The following TRIM66 variants were observed in gnomAD, a reference collection of about 807,000 sequenced individuals.
TRIM66 encodes the protein tripartite motif-containing protein 66.
TRIM66 carries 99 observed loss-of-function variants against 148.2 expected under a neutral mutation model. The observed-to-expected ratio is 0.67, with a 90% confidence interval of 0.57 to 0.79. TRIM66 has a LOEUF of 0.79. Ranked by LOEUF, TRIM66 falls within the 30% of genes least tolerant of loss-of-function variation. The pLI is 0.00. For missense variants in TRIM66, 1,666 were observed against 1,697.9 expected (o/e 0.98, Z 0.33); for synonymous variants, 616 against 635.9 (o/e 0.97, Z 0.47).
chr11:8,672,832 T>C (rs752461142), intron 4 of TRIM66, among the ~76,000 whole-genome samples: 6 of 152,020 alleles, frequency 3.9e-5, no homozygotes, highest in Non-Finnish European at 5.9e-5. Context: ...AGTTTCACCA[T>C]GTTGCCCAGG....
At chr11:8,629,466 C>T (rs561047710) in intron 15 of TRIM66, among the ~76,000 whole-genome samples, 17 of 152,120 alleles carry the variant, frequency 1.1e-4, no homozygotes, top group Non-Finnish European at 2.4e-4. Context: ...TGAGACCACC[C>T]AAATAATAAT....
chr11:8,640,571 G>C lies in TRIM66; in HGVS notation c.1804C>G (p.Leu602Val), dbSNP rs1432926201. The change falls in exon 14 of 25, where the codon CTA becomes GTA. Residue 602 changes from leucine to valine, a missense_variant. Leu to Val is a conservative substitution (Grantham distance 32). Coordinates refer to ENST00000646038, the MANE Select transcript of TRIM66 (RefSeq NM_001388022.1). ...GGGAGGGGTGGTGGTGGAGGTGGTAGCTGCTGCTGTGGCTGCTGCTGAAAG... is the reference window on the plus strand; with the variant it reads ...GGGAGGGGTGGTGGTGGAGGTGGTACCTGCTGCTGTGGCTGCTGCTGAAAG... Reference protein sequence around the residue: ...SHFQQQPQQQLPPPPPPLPHP... With the variant: ...SHFQQQPQQQVPPPPPPLPHP... The C allele has an allele frequency of 1.9e-6, 3 of 1,548,864 alleles. No individual in the cohort carries two copies. The highest frequency in any genetic ancestry group is 2.6e-6 in the Non-Finnish European group (3 of 1,145,566).
chr11:8,660,315 T>G (rs543689998), intron 6 of TRIM66, among the ~76,000 whole-genome samples: 4 of 152,322 alleles, frequency 2.6e-5, no homozygotes, highest in African/African-American at 9.6e-5. Context: ...CTCCCCTGCG[T>G]GTGCCTCATC....
chr11:8,650,083 A>G (rs1175239109), intron 7 of TRIM66, among the ~76,000 whole-genome samples, 196 bp from the exon 8 acceptor site: 2 of 152,162 alleles, frequency 1.3e-5, no homozygotes, highest in Non-Finnish European at 1.5e-5. Context: ...CCAAAAGAAC[A>G]GTGGCTACTT....
intron 15 of TRIM66, among the ~76,000 whole-genome samples, chr11:8,630,970 C>T (rs1372786266): frequency 6.6e-6 from 1 of 152,174 alleles, no homozygotes; most frequent in African/African-American, 2.4e-5. Flanking sequence ...TGCCCTCTCT[C>T]TCTCCTCACT....
chr11:8,635,209 C>T (rs2035769637), intron 15 of TRIM66, among the ~76,000 whole-genome samples: 3 of 152,184 alleles, frequency 2.0e-5, no homozygotes, highest in African/African-American at 7.2e-5. Flanking sequence ...AATGGGTTGG[C>T]TGCATAACTC....
intron 14 of TRIM66, among the ~76,000 whole-genome samples, chr11:8,639,964 C>A (rs1027372844): frequency 6.6e-6 from 1 of 152,162 alleles, no homozygotes; most frequent in African/African-American, 2.4e-5. Context: ...TCCCTACTGT[C>A]ATCCAGGAAG....
Position 8,665,097 on chromosome 11 carries a change from C to T in TRIM66, c.340+6689G>A, listed in dbSNP as rs1332893903. 5.3e-5 allele frequency among the ~76,000 whole-genome samples: 8 copies of T among 152,034 alleles called. No homozygotes were observed. In the East Asian group the frequency reaches 9.7e-4, roughly 18 times the overall value. On this transcript the variant is annotated intron_variant, in intron 6 of 24. Transcript: ENST00000646038. ...TCCGCCTCCCCTGCCATCCCTCTAC[C>T]GGCTCCCACATTTTACTTTAAAAAA... is the stretch of plus-strand genomic sequence containing the variant.
In TRIM66 at chr11:8,620,705, C is replaced by T. The variant is rs924506049; in HGVS notation, c.3546-133G>A. On this transcript the variant is annotated intron_variant, in intron 20 of 24. Transcript: ENST00000646038. ...CGTGTAAGAAATGGCTTTCTAGCCA[C>T]AGGCTTGGAAGAAATTCAATAACTC... The T allele has an allele frequency of 5.0e-6, 7 of 1,390,548 alleles. No homozygotes were observed. In the African/African-American group the frequency reaches 1.0e-4, roughly 20 times the overall value. The allele number at this position is 1,390,548 out of a possible 1,614,324, so 86.1% of individuals were successfully genotyped here.
At position 8,640,914 on chromosome 11, in the gene TRIM66, G is replaced by C; in HGVS notation, c.1461C>G (p.His487Gln). ...GGGGCTGCCTGAAGCTGTGGGCTGGGTGTATGCTGGGTGGGGGGACCTGGC... is the reference window on the plus strand; with the variant it reads ...GGGGCTGCCTGAAGCTGTGGGCTGGCTGTATGCTGGGTGGGGGGACCTGGC... ...LKGQVPPPSI[H>Q]PAHSFRQPPE... The change falls in exon 14 of 25, where the codon CAC becomes CAG. Residue 487 changes from histidine (H) to glutamine (Q), a missense_variant. His to Gln is a conservative substitution (Grantham distance 24). Around this residue, in one of 3 missense-constraint regions of TRIM66, gnomAD observed 1,431 missense variants for 1,412.4 expected, o/e 1.01. Coordinates refer to ENST00000646038, the MANE Select transcript of TRIM66 (RefSeq NM_001388022.1). The C allele has an allele frequency of 6.4e-7, 1 of 1,550,828 alleles. No homozygotes were observed. Among genetic ancestry groups the C allele is most frequent in the Non-Finnish European group, 8.7e-7 (1 of 1,146,928 alleles).
chr11:8,622,339 A>ACACACACAC (rs372931051), intron 18 of TRIM66, among the ~76,000 whole-genome samples: 3 of 71,430 alleles, frequency 4.2e-5, no homozygotes, highest in African/African-American at 1.4e-4. Context: ...ACACACACAC[A>ACACACACAC]ACACACACAC....
At chr11:8,642,843 C>CAAAAAAAAAAA (rs60432547) in intron 13 of TRIM66, among the ~76,000 whole-genome samples, 166 bp downstream of exon 13, 2 of 73,234 alleles carry the variant, frequency 2.7e-5, no homozygotes, top group Non-Finnish European at 2.4e-5. Context: ...TCTTCCCCCT[C>CAAAAAAAAAAA]AAAAAAAAAA....
intron 6 of TRIM66, among the ~76,000 whole-genome samples, chr11:8,671,498 C>T (rs2038928183): frequency 6.6e-6 from 1 of 152,212 alleles, no homozygotes; most frequent in African/African-American, 2.4e-5. Context: ...ACATCCTCTC[C>T]GTCTGGGGAG....
chr11:8,641,252 G>A (rs992167319), intron 13 of TRIM66, 100 bp from the exon 14 acceptor site: 12 of 1,086,710 alleles, frequency 1.1e-5, no homozygotes, highest in Non-Finnish European at 1.6e-5. Context: ...CAACAATCCT[G>A]TACCAGGAAC....
At chr11:8,628,338 C>G (rs1359805354) in intron 15 of TRIM66, among the ~76,000 whole-genome samples, 1 of 151,896 alleles carries the variant, frequency 6.6e-6, no homozygotes. Context: ...CTTGGTTGGG[C>G]ATGGTGGCTC....
rs2038962548 is a variant in TRIM66, at chr11:8,672,037, G to A, written c.89C>T (p.Pro30Leu). 6.5e-7 allele frequency: 1 copy of A among 1,535,792 alleles called. No individual in the cohort carries two copies. The highest frequency in any genetic ancestry group is 8.7e-7 in the Non-Finnish European group (1 of 1,146,830). Residue 30 changes from proline to leucine, a missense_variant, in exon 6 of 25, where the codon CCA (proline) becomes CTA (leucine). Transcript: ENST00000646038. Reference protein sequence around the residue: ...FSPEDISGKAPVLGTGMAVDM... With the variant: ...FSPEDISGKALVLGTGMAVDM... The stretch of plus-strand genomic sequence containing the variant: ...CACAGCCATGCCTGTGCCCAGGACT[G>A]GGGCTTTTCCACTGATATCCTCAGG...
chr11:8,649,974 C>G, intron 7 of TRIM66, 87 bp from the exon 8 acceptor site: 1 of 1,446,036 alleles, frequency 6.9e-7, no homozygotes, highest in African/African-American at 1.4e-5. Flanking sequence ...GACAGGGGTC[C>G]TGCAGGCCTA....
At chr11:8,640,156 TGGGGAGGC>T in intron 14 of TRIM66, 63 bp downstream of exon 14, 2 of 1,426,308 alleles carry the variant, frequency 1.4e-6, no homozygotes, top group Admixed American at 2.1e-5. Context: ...GCCTTGTTTT[TGGGGAGGC>T]TGTGTTCCCT....
At chr11:8,637,180 A>G (rs763427286) in intron 15 of TRIM66, among the ~76,000 whole-genome samples, 4 of 152,160 alleles carry the variant, frequency 2.6e-5, no homozygotes, top group Admixed American at 1.3e-4. Context: ...ACCACAATTT[A>G]TTATTGTTGA....
Sources: allele counts gnomAD v4.1 joint callset (sites outside exome capture counted in the v4.1 genomes callset), GRCh38; gene constraint gnomAD v4.1.1; regional missense constraint gnomAD v4.1.1; transcripts MANE v1.5; gene names NCBI Gene and HGNC (gene_info 2026-07-23, HGNC 2026-07-21).